TRIM24: variants seen among roughly 807,000 people sequenced by gnomAD.
TRIM24 encodes the protein tripartite motif containing 24.
A neutral mutation model predicts 123.9 loss-of-function variants in TRIM24; 29 were observed. The observed-to-expected ratio is 0.23, with a 90% CI of 0.17 to 0.32. TRIM24 has a LOEUF of 0.32. TRIM24 is among the 10% of genes least tolerant of loss of function. TRIM24 has a pLI of 1.00. For synonymous variants in TRIM24, 456 were observed against 461.1 expected, an observed-to-expected ratio of 0.99 and a Z score of 0.14; for missense variants, 932 against 1,295.3, an observed-to-expected ratio of 0.72 and a Z score of 4.31.
At chr7:138,581,554 C>G (rs1420811661) in intron 16 of TRIM24, 143 bp from the exon 17 acceptor site, 1 of 649,748 alleles carries the variant, frequency 1.5e-6, no homozygotes, top group Non-Finnish European at 2.5e-6. Context: ...AGCAAAACTC[C>G]GAGAATCAGT....
chr7:138,547,899 G>A (rs139902016), intron 7 of TRIM24, among the ~76,000 whole-genome samples: 307 of 152,276 alleles, frequency 2.0e-3, no homozygotes, highest in Admixed American at 3.3e-3. Flanking sequence ...CCGCCTTGGC[G>A]TCCCAAAGTG....
intron 9 of TRIM24, among the ~76,000 whole-genome samples, chr7:138,564,594 G>C (rs1797496538): frequency 6.6e-6 from 1 of 152,204 alleles, no homozygotes; most frequent in South Asian, 2.1e-4. Flanking sequence ...GCCAGGCAGG[G>C]CTGCAACCAT....
chr7:138,485,890 T>C (rs889223224), intron 1 of TRIM24, among the ~76,000 whole-genome samples: 1 of 152,192 alleles, frequency 6.6e-6, no homozygotes, highest in Admixed American at 6.5e-5. Flanking sequence ...GTATTTCTAG[T>C]TCTAGATCCT....
chr7:138,545,376 C>T, intron 7 of TRIM24: 1 of 455,740 alleles, frequency 2.2e-6, no homozygotes, highest in Admixed American at 2.4e-5. Context: ...GAAGAATTAG[C>T]CAGTGTCATT....
Position 138,551,407 on chromosome 7 carries a change from G to A in TRIM24, c.1261+227G>A, listed in dbSNP as rs529948945. Among the ~76,000 whole-genome samples the A allele has an allele frequency of 7.9e-5, 12 of 152,248 alleles. No individual in the cohort carries two copies. In the South Asian group the frequency reaches 2.5e-3, roughly 32 times the overall value. ...ACATAAGATTTCTAAGTTAGCTAAG[G>A]GTAGTGGCACATGCCTGTAGTCCCA... On this transcript the variant is annotated intron_variant, in intron 8 of 18. Coordinates refer to ENST00000343526, the MANE Select transcript of TRIM24 (RefSeq NM_015905.3).
chr7:138,525,181 A>G (rs1173794254), intron 4 of TRIM24, 60 bp from the exon 5 acceptor site: 1 of 762,834 alleles, frequency 1.3e-6, no homozygotes, highest in Non-Finnish European at 2.0e-6. Context: ...GTCTTTTTTT[A>G]TTCTTGGACT....
At chr7:138,516,812 T>TG (rs1491109783) in intron 3 of TRIM24, among the ~76,000 whole-genome samples, 21 of 133,406 alleles carry the variant, frequency 1.6e-4, no homozygotes, top group African/African-American at 2.8e-4. Context: ...AAAACCGTTT[T>TG]GTTTTTTTTT....
intron 2 of TRIM24, among the ~76,000 whole-genome samples, chr7:138,511,292 TTTTC>T (rs1477730195): frequency 2.0e-5 from 3 of 151,204 alleles, no homozygotes; most frequent in African/African-American, 4.9e-5. Context: ...CCACACACTT[TTTTC>T]TTTCTTTCTT....
rs1798011218 is a variant in TRIM24 at position 138,586,009 on chromosome 7, T to C, written c.*1058T>C. On this transcript the variant is annotated 3_prime_UTR_variant, in exon 19 of 19. Transcript: ENST00000343526. The stretch of plus-strand genomic sequence containing the variant: ...GGGGAATTAATAGTGATTTTTTTTT[T>C]TTCCTGAAGCATCTATCTCATGTTT... The C allele has an allele frequency of 4.4e-6, 2 of 455,516 alleles. No individual in the cohort carries two copies. Among genetic ancestry groups the C allele is most frequent in the Admixed American group, 2.5e-5 (1 of 39,290 alleles). 28.2% of individuals were successfully genotyped at this position (455,516 alleles called of 1,614,324 possible).
At chr7:138,578,534 G>T (rs879685366) in intron 14 of TRIM24, among the ~76,000 whole-genome samples, 73 of 34,062 alleles carry the variant, frequency 2.1e-3, no homozygotes, top group Middle Eastern at 0.016. Context: ...TGGTGGTTTT[G>T]TGTGTGTGTG....
rs560629651 is a variant in TRIM24, at chr7:138,586,545, A to G, written c.*1594A>G. On this transcript the variant is annotated 3_prime_UTR_variant, in exon 19 of 19. Transcript: ENST00000343526. ...TTTATATATATAGGTCTTGTTCATA[A>G]TATGTCAATTATGTATTGTTAAAAA... 5.3e-5 allele frequency: 8 copies of G among 152,222 alleles called. No individual in the cohort carries two copies. In the East Asian group the frequency reaches 1.5e-3, roughly 29 times the overall value. 9.4% of individuals were successfully genotyped at this position (152,222 alleles called of 1,614,324 possible).
intron 1 of TRIM24, among the ~76,000 whole-genome samples, chr7:138,497,122 G>C (rs1795924098): frequency 6.6e-6 from 1 of 152,160 alleles, no homozygotes. Flanking sequence ...TTTTCTGAAA[G>C]AGTTTGCTTA....
intron 2 of TRIM24, among the ~76,000 whole-genome samples, chr7:138,509,802 C>A (rs529116252): frequency 6.6e-6 from 1 of 150,678 alleles, no homozygotes; most frequent in Non-Finnish European, 1.5e-5. Context: ...TAAAGTATCA[C>A]AGAGGTAGCA....
intron 1 of TRIM24, among the ~76,000 whole-genome samples, chr7:138,464,345 T>C (rs1394899270): frequency 2.0e-5 from 3 of 151,900 alleles, no homozygotes; most frequent in Non-Finnish European, 4.4e-5. Context: ...ATCAAACCAG[T>C]TCTTCATTTT....
chr7:138,495,112 C>T (rs538112234), intron 1 of TRIM24, among the ~76,000 whole-genome samples: 28 of 152,166 alleles, frequency 1.8e-4, no homozygotes, highest in Admixed American at 3.9e-4. Flanking sequence ...AAGAAATATT[C>T]GCATACCATG....
At chr7:138,517,763 A>T (rs1796431203) in intron 3 of TRIM24, among the ~76,000 whole-genome samples, 2 of 147,548 alleles carry the variant, frequency 1.4e-5, no homozygotes, top group Admixed American at 6.8e-5. Context: ...TGTGCATTAT[A>T]AAAAAAAAAT....
At position 138,554,092 on chromosome 7, in the gene TRIM24, A is replaced by G. The variant is rs10234810; in HGVS notation, c.1262-606A>G. 0.022 allele frequency among the ~76,000 whole-genome samples: 3,328 copies of G among 152,290 alleles called. 105 individuals carry two copies. The highest frequency in any genetic ancestry group is 0.073 in the African/African-American group (3,038 of 41,544). ...AATATGGCCTGGATTCCACAGGCTG[A>G]GCTGGGGGTTCAGATATTCTTCATT... On this transcript the variant is annotated intron_variant, in intron 8 of 18. Transcript: ENST00000343526. This position sits in a 1 kb window ranked among gnomAD's most constrained non-coding sequence, Gnocchi z 4.5.
intron 7 of TRIM24, among the ~76,000 whole-genome samples, chr7:138,539,189 G>A (rs192559570): frequency 1.3e-5 from 2 of 152,062 alleles, no homozygotes; most frequent in East Asian, 3.9e-4. Context: ...TTGTACACAT[G>A]ATGAAACTAA....
chr7:138,472,776 T>C (rs555204782), intron 1 of TRIM24, among the ~76,000 whole-genome samples: 3 of 152,340 alleles, frequency 2.0e-5, no homozygotes, highest in Non-Finnish European at 4.4e-5. Context: ...TGCCACAGAA[T>C]GTTGACCAGT....
Sources: gnomAD v4.1 joint callset for allele counts (sites outside exome capture counted in the v4.1 genomes callset) on GRCh38, gnomAD v4.1.1 for gene constraint, Gnocchi (gnomAD v3.1) non-coding constraint, MANE v1.5 for transcripts, NCBI Gene and HGNC (gene_info 2026-07-23, HGNC 2026-07-21) for gene names.